TSHR: variants seen among roughly 807,000 people sequenced by gnomAD.
TSHR encodes the protein thyrotropin receptor.
Under a neutral mutation model 64.1 loss-of-function variants are expected in TSHR, and 51 were observed. The ratio of observed to expected loss-of-function variants is 0.80; its 90% confidence interval spans 0.64 to 1.01. The LOEUF (loss-of-function observed/expected upper bound fraction) is 1.01. Ranked by LOEUF, TSHR falls within the 50% of genes least tolerant of loss-of-function variation. TSHR has a pLI of 0.00. For missense variants in TSHR, 877 were observed against 942.8 expected, an observed-to-expected ratio of 0.93 and a Z score of 0.91; for synonymous variants, 361 against 361.9, an observed-to-expected ratio of 1.00 and a Z score of 0.03.
intron 1 of TSHR, chr14:80,982,788 T>C: frequency 1.8e-6 from 1 of 565,010 alleles, no homozygotes; most frequent in South Asian, 3.0e-5. Flanking sequence ...CCTGCCCTTG[T>C]AGGAACACTA....
chr14:80,959,080 C>T (rs568763025), intron 1 of TSHR, among the ~76,000 whole-genome samples: 2 of 152,132 alleles, frequency 1.3e-5, no homozygotes, highest in African/African-American at 4.8e-5. Context: ...CATATCCCAG[C>T]CCCGTGGTCT....
chr14:80,969,583 CA>C (rs1887493246), intron 1 of TSHR, among the ~76,000 whole-genome samples: 1 of 152,200 alleles, frequency 6.6e-6, no homozygotes, highest in Admixed American at 6.5e-5. Context: ...TGGTCATTTA[CA>C]GGAGAAGTAT....
At chr14:81,014,977 A>G (rs1890111173) in intron 1 of TSHR, among the ~76,000 whole-genome samples, 1 of 152,146 alleles carries the variant, frequency 6.6e-6, no homozygotes, top group Non-Finnish European at 1.5e-5. Flanking sequence ...TTTCAATTCC[A>G]TGGGCTGGTG....
chr14:81,007,990 A>G (rs1889692789), intron 1 of TSHR, among the ~76,000 whole-genome samples: 1 of 152,176 alleles, frequency 6.6e-6, no homozygotes, highest in Admixed American at 6.6e-5. Context: ...TCAGCCTTGG[A>G]CAGATCACTG....
At chr14:81,004,000 A>C (rs1889472164) in intron 1 of TSHR, among the ~76,000 whole-genome samples, 1 of 152,208 alleles carries the variant, frequency 6.6e-6, no homozygotes, top group African/African-American at 2.4e-5. Context: ...CTTTTTGCCC[A>C]TAACCCATGG....
chr14:81,044,435 G>C (rs1417679316), intron 1 of TSHR, among the ~76,000 whole-genome samples: 1 of 152,162 alleles, frequency 6.6e-6, no homozygotes, highest in Non-Finnish European at 1.5e-5. Flanking sequence ...AAGGTGGGCG[G>C]ATCACGAGGT....
At position 81,098,319 on chromosome 14, in the gene TSHR, A is replaced by AT. The variant is rs201323417; in HGVS notation, c.614+1618dup. ...TTCCTTCTTTGGAGATACAAGCTAG[A>AT]TTTTTTCTAGGTTTATCCCATTGTT... On this transcript the variant is annotated intron_variant, in intron 7 of 9. Transcript: ENST00000298171. Among the ~76,000 whole-genome samples the AT allele has an allele frequency of 3.8e-3, 583 of 152,294 alleles. 4 individuals carry two copies. Among genetic ancestry groups the AT allele is most frequent in the African/African-American group, 0.012 (518 of 41,560 alleles).
intron 7 of TSHR, among the ~76,000 whole-genome samples, chr14:81,105,686 G>A (rs1307768176): frequency 2.0e-5 from 3 of 152,180 alleles, no homozygotes; most frequent in South Asian, 2.1e-4. Flanking sequence ...AAACACTGCA[G>A]AATTGGACAA....
intron 9 of TSHR, among the ~76,000 whole-genome samples, chr14:81,140,828 C>A (rs1390596257): frequency 6.6e-6 from 1 of 152,112 alleles, no homozygotes; most frequent in Non-Finnish European, 1.5e-5. Context: ...ACAAAGAAGG[C>A]CAATATGGTG....
intron 1 of TSHR, among the ~76,000 whole-genome samples, chr14:81,017,820 T>C (rs1883499579): frequency 6.6e-6 from 1 of 151,366 alleles, no homozygotes; most frequent in Admixed American, 6.6e-5. Flanking sequence ...AAATGCCGCA[T>C]TGTATAATCT....
chr14:81,142,923 T>G lies in TSHR; in HGVS notation c.882-17T>G. The G allele has an allele frequency of 6.2e-7, 1 of 1,613,604 alleles. No homozygotes were observed. Among genetic ancestry groups the G allele is most frequent in the Non-Finnish European group, 8.5e-7 (1 of 1,179,624 alleles). On this transcript the variant is annotated splice_polypyrimidine_tract_variant and intron_variant, in intron 9 of 9. Coordinates refer to ENST00000298171, the MANE Select transcript of TSHR (RefSeq NM_000369.5). ...CTGCGCCCAGCCTGGCACTGACTCT[T>G]TTCTGTTGCCTTGCAGAATCCTTGA...
chr14:81,111,040 A>T (rs1232433662), intron 8 of TSHR, among the ~76,000 whole-genome samples: 1 of 152,212 alleles, frequency 6.6e-6, no homozygotes, highest in East Asian at 1.9e-4. Flanking sequence ...GTATTACAAA[A>T]ATACATGTAT....
intron 1 of TSHR, among the ~76,000 whole-genome samples, chr14:80,958,878 G>A (rs1315655881): frequency 1.3e-5 from 2 of 152,060 alleles, no homozygotes; most frequent in Admixed American, 6.5e-5. Flanking sequence ...GCTTACACTG[G>A]TTTAAAATGT....
Position 81,103,453 on chromosome 14 carries a change from C to T in TSHR, c.615-4922C>T, listed in dbSNP as rs1398240147. 2.0e-6 allele frequency: 2 copies of T among 985,302 alleles called. No individual in the cohort carries two copies. Among genetic ancestry groups the T allele is most frequent in the African/African-American group, 1.7e-5 (1 of 57,222 alleles). The allele number at this position is 985,302 out of a possible 1,614,324, so 61.0% of individuals were successfully genotyped here. A position where few individuals can be genotyped will look rare whatever the true frequency, so the allele number is the denominator to read the frequency against. Reference sequence around the variant, plus strand: ...TGACAATTTACTGAAATTAGCAGATCGACCTCATTTACACTCATTTTTTAA... The same window carrying T: ...TGACAATTTACTGAAATTAGCAGATTGACCTCATTTACACTCATTTTTTAA... On this transcript the variant is annotated intron_variant, in intron 7 of 9. Coordinates refer to ENST00000298171, the MANE Select transcript of TSHR (RefSeq NM_000369.5). This position sits in a 1 kb window ranked among gnomAD's most constrained non-coding sequence, Gnocchi z 4.1.
At chr14:80,973,403 C>CAAAAAAAAAAAAAAACAAAAAAAAA (rs1887688874) in intron 1 of TSHR, among the ~76,000 whole-genome samples, 1 of 51,470 alleles carries the variant, frequency 1.9e-5, no homozygotes, top group Non-Finnish European at 3.7e-5. Context: ...GACGCTGTCT[C>CAAAAAAAAAAAAAAACAAAAAAAAA]AAAAAAAAAA....
intron 3 of TSHR, among the ~76,000 whole-genome samples, chr14:81,072,866 G>A (rs1301444298): frequency 4.3e-5 from 6 of 140,284 alleles, no homozygotes; most frequent in African/African-American, 1.5e-4. Flanking sequence ...GCGTAGTGGC[G>A]GGCGCCTGTA....
At chr14:80,959,080 C>A (rs568763025) in intron 1 of TSHR, among the ~76,000 whole-genome samples, 202 of 152,250 alleles carry the variant, frequency 1.3e-3, no homozygotes, top group Non-Finnish European at 2.2e-3. Context: ...CATATCCCAG[C>A]CCCGTGGTCT....
intron 1 of TSHR, among the ~76,000 whole-genome samples, chr14:80,998,162 C>T (rs371994313): frequency 1.2e-4 from 19 of 152,132 alleles, no homozygotes; most frequent in African/African-American, 4.3e-4. Context: ...AAATTTCTTT[C>T]TGAAATTTGA....
intron 8 of TSHR, among the ~76,000 whole-genome samples, chr14:81,120,149 T>C (rs1890728793): frequency 6.7e-6 from 1 of 149,964 alleles, no homozygotes; most frequent in African/African-American, 2.5e-5. Flanking sequence ...CTGCACAATG[T>C]GCACATGTAC....
Sources: gnomAD v4.1 joint callset for allele counts (sites outside exome capture counted in the v4.1 genomes callset) on GRCh38, gnomAD v4.1.1 for gene constraint, Gnocchi (gnomAD v3.1) non-coding constraint, MANE v1.5 for transcripts, NCBI Gene and HGNC (gene_info 2026-07-23, HGNC 2026-07-21) for gene names.